SIM1: variants seen among roughly 807,000 people sequenced by gnomAD.
SIM1 encodes single-minded homolog 1.
A neutral mutation model predicts 78.2 loss-of-function variants in SIM1; 18 were observed. The observed-to-expected ratio is 0.23, with a 90% confidence interval of 0.16 to 0.34. The LOEUF (loss-of-function observed/expected upper bound fraction) is 0.34, where lower values mean the gene tolerates loss of function less well. Among genes scored for constraint, SIM1 ranks in the 10% least tolerant of loss-of-function variants. The pLI is 1.00. For missense variants in SIM1, 939 were observed against 975.1 expected (o/e 0.96, Z 0.49); for synonymous variants, 417 against 385.2 (o/e 1.08, Z -0.97).
intron 10 of SIM1, among the ~76,000 whole-genome samples, chr6:100,412,724 AAAG>A (rs1771272956): frequency 7.0e-6 from 1 of 141,866 alleles, no homozygotes; most frequent in Non-Finnish European, 1.5e-5. Context: ...AGAAAGAAAG[AAAG>A]AAAGAAAGAA....
chr6:100,390,502 G>A lies in SIM1; in HGVS notation c.2160C>T (p.His720=). The A allele has an allele frequency of 6.2e-7, 1 of 1,614,156 alleles. No homozygotes were observed. ...TTCTAATGGTTTCGCTGTCATATAAGTGCTCCAGGGCATATCCAGTTAATG... is the reference window on the plus strand; with the variant it reads ...TTCTAATGGTTTCGCTGTCATATAAATGCTCCAGGGCATATCCAGTTAATG... ...AYTLTGYALE[H]LYDSETIRNY... is the part of the protein sequence containing the mutation. The change falls in exon 12 of 12, where the codon CAC becomes CAT. Residue 720 remains histidine, a synonymous_variant. Transcript: ENST00000369208.
chr6:100,419,124 C>G (rs542278988), intron 10 of SIM1, among the ~76,000 whole-genome samples: 7 of 152,230 alleles, frequency 4.6e-5, no homozygotes, highest in Admixed American at 4.6e-4. Context: ...CGAGATTGCA[C>G]CACTGCACTC....
intron 10 of SIM1, among the ~76,000 whole-genome samples, chr6:100,410,504 T>A (rs752489120): frequency 1.3e-5 from 2 of 152,140 alleles, no homozygotes; most frequent in African/African-American, 2.4e-5. Flanking sequence ...TATCCAGGAA[T>A]CTGTAAGGAT....
Position 100,387,145 on chromosome 6 carries a change from T to A in SIM1, c.*3216A>T, listed in dbSNP as rs1230433630. 6.6e-6 allele frequency: 1 copy of A among 152,066 alleles called. No homozygotes were observed. Among genetic ancestry groups the A allele is most frequent in the African/African-American group, 2.4e-5 (1 of 41,442 alleles). The allele number at this position is 152,066 out of a possible 1,614,324, so 9.4% of individuals were successfully genotyped here. On this transcript the variant is annotated 3_prime_UTR_variant, in exon 12 of 12. Transcript: ENST00000369208. ...CTACAAAACCATGAGCTATGTATCA[T>A]CTAATGAATTGATACATATTATACC...
At chr6:100,406,889 T>A (rs1213208770) in intron 10 of SIM1, among the ~76,000 whole-genome samples, 1 of 152,134 alleles carries the variant, frequency 6.6e-6, no homozygotes, top group Non-Finnish European at 1.5e-5. Flanking sequence ...AATACAATAT[T>A]ATTAACTATA....
intron 8 of SIM1, 102 bp from the exon 9 acceptor site, chr6:100,447,517 T>TC: frequency 2.3e-6 from 3 of 1,290,482 alleles, no homozygotes; most frequent in South Asian, 2.6e-5. Context: ...CTGTGGGCCC[T>TC]AATAACTGCA....
intron 9 of SIM1, among the ~76,000 whole-genome samples, chr6:100,444,423 A>G (rs1299482098): frequency 1.2e-4 from 19 of 152,148 alleles, no homozygotes; most frequent in Admixed American, 1.2e-3. Flanking sequence ...TGTGTCTTGC[A>G]GAAAATTATG....
In SIM1 at chr6:100,447,434, G is replaced by C; in HGVS notation, c.851-19C>G. ...ACCAGCACTGACGGAGAGACAGGAG[G>C]CAGATGGTGGTGAACCAGCCTGCCT... On this transcript the variant is annotated intron_variant, in intron 8 of 11. Coordinates refer to ENST00000369208, the MANE Select transcript of SIM1 (RefSeq NM_005068.3). 2 of 1,614,096 alleles carry C rather than the reference G, an allele frequency of 1.2e-6. No individual in the cohort carries two copies. Among genetic ancestry groups the C allele is most frequent in the Non-Finnish European group, 1.7e-6 (2 of 1,179,988 alleles).
intron 7 of SIM1, 47 bp from the exon 8 acceptor site, chr6:100,448,299 G>T (rs777039318): frequency 2.7e-6 from 4 of 1,501,308 alleles, no homozygotes; most frequent in Non-Finnish European, 3.7e-6. Context: ...CGGGTGCAGG[G>T]ATGCCCTCCC....
chr6:100,453,061 A>AT, intron 3 of SIM1, among the ~76,000 whole-genome samples: 1 of 152,340 alleles, frequency 6.6e-6, no homozygotes, highest in Non-Finnish European at 1.5e-5. Context: ...AAAATCTAAA[A>AT]ATGCCACCGG....
rs1222200219 is a variant in SIM1 at position 100,432,732 on chromosome 6, C to G, written c.999-11774G>C. The stretch of plus-strand genomic sequence containing the variant: ...ATACTCTCTGGGGATCTCATCCACT[C>G]TGCTGACTTTAAATTCCATACACTG... On this transcript the variant is annotated intron_variant, in intron 9 of 11. Transcript: ENST00000369208. 5.9e-5 allele frequency among the ~76,000 whole-genome samples: 9 copies of G among 152,312 alleles called. No homozygotes were observed. The East Asian group carries it at 1.5e-3, about 26-fold the overall frequency.
intron 9 of SIM1, among the ~76,000 whole-genome samples, chr6:100,424,724 A>C (rs1483929775): frequency 6.6e-6 from 1 of 152,092 alleles, no homozygotes; most frequent in East Asian, 1.9e-4. Context: ...TACAGGGGTG[A>C]GCCACCATGA....
At chr6:100,422,501 C>A (rs1771619657) in intron 9 of SIM1, among the ~76,000 whole-genome samples, 1 of 152,120 alleles carries the variant, frequency 6.6e-6, no homozygotes, top group Admixed American at 6.6e-5. Flanking sequence ...CTGCACCCGG[C>A]CTAAAACCTG....
At chr6:100,443,181 T>C (rs1322501130) in intron 9 of SIM1, among the ~76,000 whole-genome samples, 2 of 152,080 alleles carry the variant, frequency 1.3e-5, no homozygotes, top group African/African-American at 4.8e-5. Context: ...ACACTACCAA[T>C]ATAAATTGTC....
intron 2 of SIM1, chr6:100,462,467 T>C (rs1449679452): frequency 6.6e-6 from 1 of 152,280 alleles, no homozygotes; most frequent in Non-Finnish European, 1.5e-5. Flanking sequence ...AAAGCTGCTC[T>C]GTCCTCACAC....
intron 7 of SIM1, 81 bp from the exon 8 acceptor site, chr6:100,448,333 A>G: frequency 1.5e-5 from 20 of 1,363,420 alleles, no homozygotes; most frequent in Non-Finnish European, 1.9e-5. Context: ...CAGCCGTCTG[A>G]CACCTAGCTG....
intron 10 of SIM1, among the ~76,000 whole-genome samples, chr6:100,411,571 C>T (rs1467686888): frequency 6.6e-6 from 1 of 152,156 alleles, no homozygotes; most frequent in Non-Finnish European, 1.5e-5. Context: ...TCTCCACAGA[C>T]AATTAACAAA....
intron 9 of SIM1, among the ~76,000 whole-genome samples, chr6:100,428,667 GC>G (rs971926659): frequency 7.6e-5 from 11 of 144,486 alleles, no homozygotes; most frequent in African/African-American, 2.9e-4. Context: ...ACTAGTCCCC[GC>G]CTTATCCGAG....
intron 10 of SIM1, among the ~76,000 whole-genome samples, chr6:100,399,304 G>A (rs995243927): frequency 1.3e-5 from 2 of 152,034 alleles, no homozygotes; most frequent in Non-Finnish European, 2.9e-5. Context: ...CACCAATGTG[G>A]ATGAATCTCC....
Sources: allele counts gnomAD v4.1 joint callset (sites outside exome capture counted in the v4.1 genomes callset), GRCh38; gene constraint gnomAD v4.1.1; transcripts MANE v1.5; gene names NCBI Gene and HGNC (gene_info 2026-07-23, HGNC 2026-07-21).